ATP13A1: variants seen among roughly 807,000 people sequenced by gnomAD.
The protein encoded by ATP13A1 is endoplasmic reticulum transmembrane helix translocase.
A neutral mutation model predicts 134.8 loss-of-function variants in ATP13A1; 55 were observed. That is an observed-to-expected ratio of 0.41 (90% CI 0.33 to 0.51). The LOEUF (loss-of-function observed/expected upper bound fraction) is 0.51. Among genes scored for constraint, ATP13A1 ranks in the 20% least tolerant of loss-of-function variants. ATP13A1 has a pLI of 0.29. For missense variants in ATP13A1, 1,389 were observed against 1,652.8 expected (o/e 0.84, Z 2.77); for synonymous variants, 775 against 725.1 (o/e 1.07, Z -1.10).
In ATP13A1 at chr19:19,656,841, C is replaced by A. The variant is rs755602002; in HGVS notation, c.976+6G>T. ...CCCACTGGGACTGAGCGGAACCCGGCCTCACCGATGGAGACGATGTCCCCT... is the reference window on the plus strand; with the variant it reads ...CCCACTGGGACTGAGCGGAACCCGGACTCACCGATGGAGACGATGTCCCCT... On this transcript the variant is annotated splice_donor_region_variant and intron_variant, in intron 6 of 25. Transcript: ENST00000357324. This position sits in a 1 kb window ranked among gnomAD's most constrained non-coding sequence, Gnocchi z 4.6. The A allele has an allele frequency of 5.6e-6, 9 of 1,612,204 alleles. No individual in the cohort carries two copies. The South Asian group carries it at 9.9e-5, about 18-fold the overall frequency.
rs1319069261 is a variant in ATP13A1, at chr19:19,652,711, C to A, written c.2110G>T (p.Val704Phe). 2.5e-6 allele frequency: 4 copies of A among 1,604,860 alleles called. No homozygotes were observed. The highest frequency in any genetic ancestry group is 3.4e-6 in the Non-Finnish European group (4 of 1,177,188). The change falls in exon 16 of 26, where the codon GTC becomes TTC. Residue 704 changes from valine to phenylalanine, a missense_variant. Physicochemically the swap from Val to Phe is conservative, Grantham distance 50. Transcript: ENST00000357324. ...CTGCACTCCAGGGCCTCCCGCTTGA[C>A]CTCCCGGGCCTGCGGACAGACAGGG... ...GHLTHQQARE[V>F]KREALECSLK... is the part of the protein sequence containing the mutation.
At chr19:19,652,207 C>T (rs2062028766) in intron 16 of ATP13A1, among the ~76,000 whole-genome samples, 1 of 152,114 alleles carries the variant, frequency 6.6e-6, no homozygotes, top group Non-Finnish European at 1.5e-5. Flanking sequence ...ACCCCTTACA[C>T]CCTAAAAGAC....
At chr19:19,660,014 G>A in intron 1 of ATP13A1, 27 bp from the exon 2 acceptor site, 1 of 1,542,676 alleles carries the variant, frequency 6.5e-7, no homozygotes, top group Non-Finnish European at 8.7e-7. Context: ...AAGCATTGTG[G>A]CTTAGCTCTT....
chr19:19,663,531 C>T lies in ATP13A1; in HGVS notation c.136G>A (p.Gly46Ser). The T allele has an allele frequency of 1.3e-6, 2 of 1,528,056 alleles. No homozygotes were observed. The highest frequency in any genetic ancestry group is 1.7e-6 in the Non-Finnish European group (2 of 1,144,006). The allele number at this position is 1,528,056 out of a possible 1,614,324, so 94.7% of individuals were successfully genotyped here. Residue 46 changes from glycine to serine, a missense_variant, in exon 1 of 26, where the codon GGT becomes AGT. Coordinates refer to ENST00000357324, the MANE Select transcript of ATP13A1 (RefSeq NM_020410.3). ...LAAGPALIAN[G>S]DELVAAVWPY... ...CACACGGCAGCCACCAGCTCGTCAC[C>T]GTTCGCTATGAGCGCCGGCCCGGCG...
At position 19,647,641 on chromosome 19, in the gene ATP13A1, C is replaced by T. The variant is rs2061994662; in HGVS notation, c.2751G>A (p.Arg917=). The change falls in exon 20 of 26, where the codon CGG becomes CGA. Residue 917 remains arginine, a synonymous_variant. Coordinates refer to ENST00000357324, the MANE Select transcript of ATP13A1 (RefSeq NM_020410.3). This position sits in a 1 kb window ranked among gnomAD's most constrained non-coding sequence, Gnocchi z 4.8. ...IRATSRTAKQ[R]SGLPPSEEQP... is the part of the protein sequence containing the mutation. The stretch of plus-strand genomic sequence containing the variant: ...GCTCCTCGGAGGGAGGGAGCCCCGA[C>T]CGCTGCTTGGCTGTCCTGGAGGTGG... 1 of 1,613,278 alleles carries T rather than the reference C, an allele frequency of 6.2e-7. No homozygotes were observed. Among genetic ancestry groups the T allele is most frequent in the Non-Finnish European group, 8.5e-7 (1 of 1,179,846 alleles).
Position 19,656,304 on chromosome 19 carries a change from A to G in ATP13A1, c.1084-121T>C. ...CCAGGGGGATCCCCACCCGACCAAT[A>G]CATCCCACCCAGCTCCCAGATCCTC... On this transcript the variant is annotated intron_variant, in intron 7 of 25. Coordinates refer to ENST00000357324, the MANE Select transcript of ATP13A1 (RefSeq NM_020410.3). This position sits in a 1 kb window ranked among gnomAD's most constrained non-coding sequence, Gnocchi z 4.6. 7.4e-7 allele frequency: 1 copy of G among 1,346,076 alleles called. No homozygotes were observed. The highest frequency in any genetic ancestry group is 1.0e-6 in the Non-Finnish European group (1 of 991,288). The allele number at this position is 1,346,076 out of a possible 1,614,324, so 83.4% of individuals were successfully genotyped here.
chr19:19,663,622 G>A lies in ATP13A1; in HGVS notation c.45C>T (p.Ala15=). The change falls in exon 1 of 26, where the codon GCC becomes GCT. Residue 15 remains alanine (A), a synonymous_variant. Transcript: ENST00000357324. ...CGTCAGGCCGGACCCCGCAAGGCCG[G>A]GCCCCGCAGGGCACCGCGTTGCCCA... The part of the protein sequence containing the change: ...AAVGNAVPCG[A]RPCGVRPDGQ... 7.4e-7 allele frequency: 1 copy of A among 1,350,592 alleles called. No homozygotes were observed. Among genetic ancestry groups the A allele is most frequent in the South Asian group, 1.8e-5 (1 of 54,664 alleles). The allele number at this position is 1,350,592 out of a possible 1,614,324, so 83.7% of individuals were successfully genotyped here. A position where few individuals can be genotyped will look rare whatever the true frequency, so the allele number is the denominator to read the frequency against.
chr19:19,651,566 T>A, intron 17 of ATP13A1, 123 bp downstream of exon 17: 1 of 680,242 alleles, frequency 1.5e-6, no homozygotes, highest in South Asian at 2.1e-5. Context: ...CTGTGATTAG[T>A]GGTGCCAGGC....
In ATP13A1 at chr19:19,647,890, C is replaced by T. The variant is rs763754196; in HGVS notation, c.2633-131G>A. ...GGACAGTTCCCAGACTTCCCCATTTCACCTGACACCCTAAGGAGACCTCAG... is the reference window on the plus strand; with the variant it reads ...GGACAGTTCCCAGACTTCCCCATTTTACCTGACACCCTAAGGAGACCTCAG... On this transcript the variant is annotated intron_variant, in intron 19 of 25. Coordinates refer to ENST00000357324, the MANE Select transcript of ATP13A1 (RefSeq NM_020410.3). The surrounding 1 kb of genome is among the most constrained non-coding windows in gnomAD (Gnocchi z 4.8). The T allele has an allele frequency of 2.1e-5, 25 of 1,192,546 alleles. No homozygotes were observed. The highest frequency in any genetic ancestry group is 4.6e-5 in the African/African-American group (3 of 65,002). 73.9% of individuals were successfully genotyped at this position (1,192,546 alleles called of 1,614,324 possible).
chr19:19,657,060 C>T lies in ATP13A1; in HGVS notation c.840G>A (p.Leu280=). ...LSMLVAFEAS[L]VQQQMRNMSE... ...ACATGTTCCGCATCTGCTGCTGCAC[C>T]AGCGAGGCCTCGAACGCCACCAGCA... Residue 280 remains leucine (L), a synonymous_variant, in exon 5 of 26, where the codon CTG becomes CTA. Transcript: ENST00000357324. 6.4e-7 allele frequency: 1 copy of T among 1,557,708 alleles called. No individual in the cohort carries two copies. Among genetic ancestry groups the T allele is most frequent in the Non-Finnish European group, 8.7e-7 (1 of 1,151,602 alleles).
Position 19,660,002 on chromosome 19 carries a change from G to C in ATP13A1, c.397-15C>G, listed in dbSNP as rs1568430743. Reference sequence around the variant, plus strand: ...GGGTCGTACTCCTGACAGAGACAAAGAAAGCATTGTGGCTTAGCTCTTCTC... The same window carrying C: ...GGGTCGTACTCCTGACAGAGACAAACAAAGCATTGTGGCTTAGCTCTTCTC... On this transcript the variant is annotated splice_polypyrimidine_tract_variant and intron_variant, in intron 1 of 25. Transcript: ENST00000357324. The C allele has an allele frequency of 1.9e-6, 3 of 1,553,102 alleles. No individual in the cohort carries two copies. The highest frequency in any genetic ancestry group is 2.0e-5 in the Admixed American group (1 of 48,948).
At position 19,653,701 on chromosome 19, in the gene ATP13A1, G is replaced by C; in HGVS notation, c.2100+83C>G. On this transcript the variant is annotated intron_variant, in intron 15 of 25. Coordinates refer to ENST00000357324, the MANE Select transcript of ATP13A1 (RefSeq NM_020410.3). This position sits in a 1 kb window ranked among gnomAD's most constrained non-coding sequence, Gnocchi z 4.2. ...GACAAAATCACAACCATTCAACCTG[G>C]CACTGTGGGACACAGGAGGTGACTC... The C allele has an allele frequency of 8.0e-7, 1 of 1,250,108 alleles. No individual in the cohort carries two copies. The highest frequency in any genetic ancestry group is 1.4e-5 in the South Asian group (1 of 72,046). 77.4% of individuals were successfully genotyped at this position (1,250,108 alleles called of 1,614,324 possible).
In ATP13A1 at chr19:19,647,759, C is replaced by G. The variant is rs1285481482; in HGVS notation, c.2633G>C (p.Gly878Ala). The change falls in exon 20 of 26, where the codon GGT (glycine) becomes GCT (alanine). Residue 878 changes from glycine (G) to alanine (A), a missense_variant and splice_region_variant. By Grantham distance (60) the Gly-to-Ala change is moderately conservative (BLOSUM62 0). Coordinates refer to ENST00000357324, the MANE Select transcript of ATP13A1 (RefSeq NM_020410.3). The surrounding 1 kb of genome is among the most constrained non-coding windows in gnomAD (Gnocchi z 4.8). Reference protein sequence around the residue: ...DVGALKHADVGVALLANAPER... With the variant: ...DVGALKHADVAVALLANAPER... ...AGGGGCATTGGCCAAGAGCGCCACA[C>G]CTGGGGGGCAGGAGGGTGTCAGACC... The G allele has an allele frequency of 6.3e-7, 1 of 1,592,812 alleles. No homozygotes were observed. Among genetic ancestry groups the G allele is most frequent in the Admixed American group, 1.7e-5 (1 of 58,004 alleles).
At chr19:19,654,959 C>T (rs1188939634) in intron 12 of ATP13A1, among the ~76,000 whole-genome samples, 160 bp downstream of exon 12, 1 of 152,226 alleles carries the variant, frequency 6.6e-6, no homozygotes, top group Non-Finnish European at 1.5e-5. Flanking sequence ...GCTACCATGG[C>T]TGACACCCAG....
chr19:19,656,572 G>T lies in ATP13A1; in HGVS notation c.1083+88C>A. ...CACACTGCCTCCTCCGCCTGTGCCT[G>T]AGGGGGATCCCCGCCACCCCCTGGG... is the stretch of plus-strand genomic sequence containing the variant. On this transcript the variant is annotated intron_variant, in intron 7 of 25. Coordinates refer to ENST00000357324, the MANE Select transcript of ATP13A1 (RefSeq NM_020410.3). This position sits in a 1 kb window ranked among gnomAD's most constrained non-coding sequence, Gnocchi z 4.6. The T allele has an allele frequency of 7.3e-7, 1 of 1,373,420 alleles. No individual in the cohort carries two copies. The highest frequency in any genetic ancestry group is 1.0e-6 in the Non-Finnish European group (1 of 995,190). The allele number at this position is 1,373,420 out of a possible 1,614,324, so 85.1% of individuals were successfully genotyped here. A position where few individuals can be genotyped will look rare whatever the true frequency, so the allele number is the denominator to read the frequency against.
chr19:19,655,274 G>T lies in ATP13A1; in HGVS notation c.1535-35C>A, dbSNP rs770253198. 6.2e-7 allele frequency: 1 copy of T among 1,613,928 alleles called. No homozygotes were observed. Among genetic ancestry groups the T allele is most frequent in the South Asian group, 1.1e-5 (1 of 91,076 alleles). On this transcript the variant is annotated intron_variant, in intron 11 of 25. Transcript: ENST00000357324. The surrounding 1 kb of genome is among the most constrained non-coding windows in gnomAD (Gnocchi z 5.7). ...GGAGTGAGGTCAGGGGTCCTGCTTGGCCCCAGCCCACTCGGCACCCCATCC... is the reference window on the plus strand; with the variant it reads ...GGAGTGAGGTCAGGGGTCCTGCTTGTCCCCAGCCCACTCGGCACCCCATCC...
rs780024845 is a variant in ATP13A1 at position 19,663,298 on chromosome 19, G to A, written c.369C>T (p.His123=). The A allele has an allele frequency of 3.1e-6, 5 of 1,588,730 alleles. No homozygotes were observed. The highest frequency in any genetic ancestry group is 1.3e-5 in the African/African-American group (1 of 74,384). The change falls in exon 1 of 26, where the codon CAC becomes CAT. Residue 123 remains histidine (H), a synonymous_variant. Transcript: ENST00000357324. ...GGGTGCAGGTGAGCGCGCAATGCGC[G>A]TGCACAGACCAATGCCCCGAGAGGA... ...LTVLSGHWSV[H]AHCALTCTPE... is the part of the protein sequence containing the mutation.
Position 19,656,833 on chromosome 19 carries a change from G to C in ATP13A1, c.976+14C>G, listed in dbSNP as rs925521630. 1.2e-6 allele frequency: 2 copies of C among 1,612,332 alleles called. No individual in the cohort carries two copies. The highest frequency in any genetic ancestry group is 3.3e-5 in the Admixed American group (2 of 59,750). On this transcript the variant is annotated intron_variant, in intron 6 of 25. Transcript: ENST00000357324. The surrounding 1 kb of genome is among the most constrained non-coding windows in gnomAD (Gnocchi z 4.6). ...CTGGGGCTCCCACTGGGACTGAGCG[G>C]AACCCGGCCTCACCGATGGAGACGA...
chr19:19,651,554 G>C, intron 17 of ATP13A1, 135 bp downstream of exon 17: 1 of 634,614 alleles, frequency 1.6e-6, no homozygotes, highest in East Asian at 3.0e-5. Context: ...AGTGGGCCAG[G>C]GCTGTGATTA....
Sources: allele counts gnomAD v4.1 joint callset (sites outside exome capture counted in the v4.1 genomes callset), GRCh38; gene constraint gnomAD v4.1.1; non-coding constraint Gnocchi (gnomAD v3.1); transcripts MANE v1.5; gene names NCBI Gene and HGNC (gene_info 2026-07-23, HGNC 2026-07-21).